The following CSNK1G3 variants were observed in gnomAD, a reference collection of about 807,000 sequenced individuals.
The protein encoded by CSNK1G3 is casein kinase I isoform gamma-3.
Under a neutral mutation model 64.3 loss-of-function variants are expected in CSNK1G3, and 23 were observed. The observed-to-expected ratio is 0.36, with a 90% CI of 0.26 to 0.51. CSNK1G3 has a LOEUF of 0.51. Among genes scored for constraint, CSNK1G3 ranks in the 20% least tolerant of loss-of-function variants. The pLI, the probability that CSNK1G3 is intolerant of heterozygous loss-of-function variation, is 0.96. For synonymous variants in CSNK1G3, 158 were observed against 162.2 expected (o/e 0.97, Z 0.20); for missense variants, 357 against 510.5 (o/e 0.70, Z 2.90).
intron 1 of CSNK1G3, among the ~76,000 whole-genome samples, chr5:123,542,777 A>T (rs1781875482): frequency 1.4e-5 from 2 of 147,478 alleles, no homozygotes; most frequent in African/African-American, 5.1e-5. Context: ...TATGTCGTGT[A>T]TTTTTTTCTC....
Position 123,588,407 on chromosome 5 carries a change from ATT to A in CSNK1G3, c.760-11_760-10del. 2 of 1,506,604 alleles carry A rather than the reference ATT, an allele frequency of 1.3e-6. No homozygotes were observed. Among genetic ancestry groups the A allele is most frequent in the Non-Finnish European group, 1.8e-6 (2 of 1,090,890 alleles). The allele number at this position is 1,506,604 out of a possible 1,614,324, so 93.3% of individuals were successfully genotyped here. ...ATTTTTAAATTACCACATTCTCAAGATTTTTTTTTTCTGTTTTAGGCTGACAC... is the reference window on the plus strand; with the variant it reads ...ATTTTTAAATTACCACATTCTCAAGATTTTTTTTCTGTTTTAGGCTGACAC... On this transcript the variant is annotated intron_variant, in intron 7 of 12. Coordinates refer to ENST00000345990, the Ensembl canonical transcript of CSNK1G3.
chr5:123,557,001 G>A (rs1448678353), intron 3 of CSNK1G3, among the ~76,000 whole-genome samples: 1 of 151,978 alleles, frequency 6.6e-6, no homozygotes, highest in African/African-American at 2.4e-5. Context: ...TGTATTTAAC[G>A]CTTATGAACT....
chr5:123,580,548 C>G (rs981125388), intron 6 of CSNK1G3, among the ~76,000 whole-genome samples: 1 of 151,846 alleles, frequency 6.6e-6, no homozygotes, highest in Non-Finnish European at 1.5e-5. Context: ...CTTGATAAAG[C>G]TTTATGTTAC....
At chr5:123,568,634 A>G (rs1022008980) in intron 4 of CSNK1G3, among the ~76,000 whole-genome samples, 3 of 152,104 alleles carry the variant, frequency 2.0e-5, no homozygotes, top group African/African-American at 7.2e-5. Flanking sequence ...AGCTTTGATG[A>G]TTGCCCTCAG....
intron 1 of CSNK1G3, among the ~76,000 whole-genome samples, chr5:123,521,734 C>T (rs962906879): frequency 6.6e-6 from 1 of 152,076 alleles, no homozygotes; most frequent in Non-Finnish European, 1.5e-5. Context: ...ATAGTTCATG[C>T]AGTCCTTGCT....
At chr5:123,532,305 GA>G (rs1780065474) in intron 1 of CSNK1G3, among the ~76,000 whole-genome samples, 1 of 151,738 alleles carries the variant, frequency 6.6e-6, no homozygotes, top group Admixed American at 6.6e-5. Flanking sequence ...CTTCTCTGCT[GA>G]TTTTTTTATG....
chr5:123,542,949 T>C (rs897693261), intron 1 of CSNK1G3, among the ~76,000 whole-genome samples: 4 of 151,570 alleles, frequency 2.6e-5, no homozygotes, highest in African/African-American at 7.3e-5. Context: ...CTCTTCTTTT[T>C]CTCTGGTTAA....
At chr5:123,557,689 T>G in intron 4 of CSNK1G3, 125 bp downstream of exon 4, 1 of 615,718 alleles carries the variant, frequency 1.6e-6, no homozygotes. Context: ...TACTATACGT[T>G]TTCTTACTAT....
At chr5:123,555,017 T>C (rs911290496) in intron 3 of CSNK1G3, among the ~76,000 whole-genome samples, 2 of 152,228 alleles carry the variant, frequency 1.3e-5, no homozygotes, top group African/African-American at 4.8e-5. Flanking sequence ...CTTTCAGCCT[T>C]CTTATATACA....
chr5:123,513,416 AGAGAG>A (rs1776606419), intron 1 of CSNK1G3, among the ~76,000 whole-genome samples: 1 of 151,924 alleles, frequency 6.6e-6, no homozygotes, highest in African/African-American at 2.4e-5. Flanking sequence ...CAGATGGGGG[AGAGAG>A]TGAGTGTGCC....
intron 1 of CSNK1G3, among the ~76,000 whole-genome samples, chr5:123,513,660 T>A (rs1026120558): frequency 6.6e-6 from 1 of 152,190 alleles, no homozygotes; most frequent in African/African-American, 2.4e-5. Context: ...GCCACAGATA[T>A]GAGAGATGGC....
chr5:123,598,288 C>T (rs1049304091), intron 10 of CSNK1G3, among the ~76,000 whole-genome samples: 11 of 152,088 alleles, frequency 7.2e-5, no homozygotes, highest in African/African-American at 2.7e-4. Flanking sequence ...CCATTCATTA[C>T]TCAGCAAATT....
intron 5 of CSNK1G3, among the ~76,000 whole-genome samples, chr5:123,575,140 A>G (rs996607990): frequency 1.3e-5 from 2 of 152,224 alleles, no homozygotes; most frequent in African/African-American, 2.4e-5. Flanking sequence ...TATATTATTA[A>G]TATTAGAGTT....
chr5:123,572,787 C>T (rs1788383066), intron 4 of CSNK1G3, among the ~76,000 whole-genome samples: 1 of 152,202 alleles, frequency 6.6e-6, no homozygotes, highest in Non-Finnish European at 1.5e-5. Context: ...TTTTTAAAGT[C>T]TCACCTGAAT....
intron 5 of CSNK1G3, among the ~76,000 whole-genome samples, chr5:123,573,870 G>T (rs1337462535): frequency 3.7e-4 from 50 of 134,528 alleles, no homozygotes; most frequent in Admixed American, 3.6e-3. Flanking sequence ...TTTTTTTTGA[G>T]ACGGAGTCTT....
At position 123,557,568 on chromosome 5, in the gene CSNK1G3, A is replaced by G. The variant is rs2150416520; in HGVS notation, c.289+4A>G. 3 of 1,559,602 alleles carry G rather than the reference A, an allele frequency of 1.9e-6. No individual in the cohort carries two copies. In the South Asian group the frequency reaches 3.5e-5, roughly 18 times the overall value. On this transcript the variant is annotated splice_donor_region_variant and intron_variant, in intron 4 of 12. Transcript: ENST00000345990. ...TATAAGCAGTTAGGATCTGGAGGTA[A>G]AGTCTTATATTAATTTTTAAATTTG...
chr5:123,544,949 T>C (rs1398485292), intron 1 of CSNK1G3, among the ~76,000 whole-genome samples: 1 of 130,252 alleles, frequency 7.7e-6, no homozygotes, highest in Non-Finnish European at 1.6e-5. Context: ...ATGAAAATCA[T>C]ATGATAATAT....
Position 123,599,939 on chromosome 5 carries a change from T to G in CSNK1G3, c.1087-4785T>G, listed in dbSNP as rs533819099. On this transcript the variant is annotated intron_variant, in intron 10 of 12. Transcript: ENST00000345990. Reference sequence around the variant, plus strand: ...GAAAATAATTATCCTAAGTGAAAGTTAATTGAAAATCCATTTTGGCTTATC... The same window carrying G: ...GAAAATAATTATCCTAAGTGAAAGTGAATTGAAAATCCATTTTGGCTTATC... Among the ~76,000 whole-genome samples, 19 of 152,262 alleles carry G rather than the reference T, an allele frequency of 1.2e-4. No individual in the cohort carries two copies. The South Asian group carries it at 3.9e-3, about 32-fold the overall frequency.
At chr5:123,582,688 C>G (rs1790525972) in intron 6 of CSNK1G3, among the ~76,000 whole-genome samples, 1 of 152,138 alleles carries the variant, frequency 6.6e-6, no homozygotes, top group African/African-American at 2.4e-5. Flanking sequence ...AAAACATTCG[C>G]TTTCAAACAG....
Sources: gnomAD v4.1 joint callset for allele counts (sites outside exome capture counted in the v4.1 genomes callset) on GRCh38, gnomAD v4.1.1 for gene constraint, MANE v1.5 for transcripts, NCBI Gene and HGNC (gene_info 2026-07-23, HGNC 2026-07-21) for gene names.